Variants in BMI1 observed in about 807,000 individuals in gnomAD.
BMI1 encodes the protein BMI1 proto-oncogene, polycomb ring finger, also known as polycomb complex protein BMI-1.
Under a neutral mutation model 39.1 loss-of-function variants are expected in BMI1, and 9 were observed. That is an observed-to-expected ratio of 0.23 (90% CI 0.14 to 0.40). The LOEUF is 0.40. Ranked by LOEUF, BMI1 falls within the 10% of genes least tolerant of loss-of-function variation. The pLI, the probability that BMI1 is intolerant of heterozygous loss-of-function variation, is 1.00. For synonymous variants in BMI1, 131 were observed against 127.9 expected (o/e 1.02, Z -0.16); for missense variants, 252 against 390.8 (o/e 0.64, Z 2.99).
chr10:22,329,569 T>C lies in BMI1; in HGVS notation c.*27T>C. The C allele has an allele frequency of 3.7e-6, 6 of 1,603,078 alleles. No individual in the cohort carries two copies. The East Asian group carries it at 1.3e-4, about 36-fold the overall frequency. On this transcript the variant is annotated 3_prime_UTR_variant, in exon 10 of 10. Coordinates refer to ENST00000376663, the MANE Select transcript of BMI1 (RefSeq NM_005180.9). ...ACCTGAGACTGTTAAGGAAAAAAAT[T>C]TTAAACCCCTGATTTATATAGATAT... is the stretch of plus-strand genomic sequence containing the variant.
In BMI1 at chr10:22,321,231, T is replaced by C. The variant is rs1291479642; in HGVS notation, c.-485T>C. The C allele has an allele frequency of 3.6e-5, 5 of 140,232 alleles. No homozygotes were observed. The highest frequency in any genetic ancestry group is 5.2e-5 in the African/African-American group (2 of 38,586). 8.7% of individuals were successfully genotyped at this position (140,232 alleles called of 1,614,324 possible). On this transcript the variant is annotated 5_prime_UTR_variant, in exon 1 of 10. Coordinates refer to ENST00000376663, the MANE Select transcript of BMI1 (RefSeq NM_005180.9). The stretch of plus-strand genomic sequence containing the variant: ...CCCCACAGCAACTATGAAATAATCG[T>C]AGTATGAGAGGCAGAGATCGGGGCG...
chr10:22,329,785 T>C lies in BMI1; in HGVS notation c.*243T>C, dbSNP rs942932215. ...GAAAGCAGGCAAGACTTTTTCTCTGTGTTAGGAAAGATGGGAAATGGTTTC... is the reference window on the plus strand; with the variant it reads ...GAAAGCAGGCAAGACTTTTTCTCTGCGTTAGGAAAGATGGGAAATGGTTTC... On this transcript the variant is annotated 3_prime_UTR_variant, in exon 10 of 10. Coordinates refer to ENST00000376663, the MANE Select transcript of BMI1 (RefSeq NM_005180.9). The C allele has an allele frequency of 1.4e-5, 7 of 496,584 alleles. No individual in the cohort carries two copies. The highest frequency in any genetic ancestry group is 1.1e-5 in the Non-Finnish European group (3 of 285,504). The allele number at this position is 496,584 out of a possible 1,614,324, so 30.8% of individuals were successfully genotyped here.
At position 22,328,665 on chromosome 10, in the gene BMI1, C is replaced by T. The variant is rs752681312; in HGVS notation, c.537C>T (p.Leu179=). The T allele has an allele frequency of 6.2e-7, 1 of 1,606,054 alleles. No homozygotes were observed. Among genetic ancestry groups the T allele is most frequent in the Admixed American group, 1.7e-5 (1 of 58,726 alleles). ...CTGTGATGCACTTAAGAAAGTTTCT[C>T]AGAAGTAAAATGGACATACCTAATA... ...AMTVMHLRKF[L]RSKMDIPNTF... is the part of the protein sequence containing the mutation. The change falls in exon 8 of 10, where the codon CTC becomes CTT. Residue 179 remains leucine (L), a synonymous_variant. Coordinates refer to ENST00000376663, the MANE Select transcript of BMI1 (RefSeq NM_005180.9).
chr10:22,328,276 A>G, intron 7 of BMI1, 97 bp downstream of exon 7: 6 of 1,354,780 alleles, frequency 4.4e-6, no homozygotes, highest in Non-Finnish European at 5.9e-6. Context: ...AGGCTGTTAA[A>G]TAGAAGAAAA....
chr10:22,324,625 G>T (rs1429606608), intron 1 of BMI1, among the ~76,000 whole-genome samples: 2 of 152,168 alleles, frequency 1.3e-5, no homozygotes, highest in Non-Finnish European at 2.9e-5. Flanking sequence ...ATTGAGCTGT[G>T]TTGATTGGTG....
At position 22,329,592 on chromosome 10, in the gene BMI1, T is replaced by TA; in HGVS notation, c.*51dup. ...ATTTTAAACCCCTGATTTATATAGA[T>TA]ATCTTCATGCCATTACAGCTTTCTA... On this transcript the variant is annotated 3_prime_UTR_variant, in exon 10 of 10. Coordinates refer to ENST00000376663, the MANE Select transcript of BMI1 (RefSeq NM_005180.9). The TA allele has an allele frequency of 4.5e-6, 7 of 1,571,016 alleles. No individual in the cohort carries two copies. The highest frequency in any genetic ancestry group is 6.1e-6 in the Non-Finnish European group (7 of 1,156,506).
chr10:22,324,401 C>T (rs1424817932), intron 1 of BMI1, among the ~76,000 whole-genome samples: 3 of 152,166 alleles, frequency 2.0e-5, no homozygotes, highest in Non-Finnish European at 4.4e-5. Context: ...TCTTTAGGGT[C>T]ATTGCTCTAC....
chr10:22,325,817 C>T (rs1057157592), intron 1 of BMI1: 1 of 152,018 alleles, frequency 6.6e-6, no homozygotes, highest in African/African-American at 2.4e-5. Context: ...CCCCTCGCAT[C>T]CCGGCCCCCG....
rs1554775146 is a variant in BMI1 at position 22,329,950 on chromosome 10, CA to C, written c.*410del. 1 of 166,672 alleles carries C rather than the reference CA, an allele frequency of 6.0e-6. No individual in the cohort carries two copies. Among genetic ancestry groups the C allele is most frequent in the Non-Finnish European group, 1.3e-5 (1 of 76,190 alleles). 10.3% of individuals were successfully genotyped at this position (166,672 alleles called of 1,614,324 possible). On this transcript the variant is annotated 3_prime_UTR_variant, in exon 10 of 10. Coordinates refer to ENST00000376663, the MANE Select transcript of BMI1 (RefSeq NM_005180.9). The stretch of plus-strand genomic sequence containing the variant: ...CGCTGTTTTGTGAACCTGTAGAAAA[CA>C]AGTGCTTTTTATCTTGAAATTCAAC...
intron 1 of BMI1, among the ~76,000 whole-genome samples, chr10:22,322,909 AC>A (rs915135753): frequency 6.6e-6 from 1 of 152,234 alleles, no homozygotes; most frequent in African/African-American, 2.4e-5. Flanking sequence ...AAGTAGAGAG[AC>A]TTTGATCATT....
chr10:22,324,459 A>G (rs535334634), intron 1 of BMI1, among the ~76,000 whole-genome samples: 3 of 152,352 alleles, frequency 2.0e-5, no homozygotes, highest in African/African-American at 2.4e-5. Context: ...TATGTTGACA[A>G]TATTCTCCAA....
chr10:22,326,308 T>C, intron 1 of BMI1, 123 bp from the exon 2 acceptor site: 1 of 1,350,936 alleles, frequency 7.4e-7, no homozygotes, highest in Non-Finnish European at 9.9e-7. Context: ...GTAGAAACGT[T>C]AGGACAGCCC....
rs776327679 is a variant in BMI1, at chr10:22,329,591, A to G, written c.*49A>G. On this transcript the variant is annotated 3_prime_UTR_variant, in exon 10 of 10. Coordinates refer to ENST00000376663, the MANE Select transcript of BMI1 (RefSeq NM_005180.9). ...AATTTTAAACCCCTGATTTATATAG[A>G]TATCTTCATGCCATTACAGCTTTCT... 4 of 1,573,168 alleles carry G rather than the reference A, an allele frequency of 2.5e-6. No homozygotes were observed. Among genetic ancestry groups the G allele is most frequent in the Non-Finnish European group, 3.5e-6 (4 of 1,157,848 alleles).
chr10:22,322,691 C>CAA (rs1488366925), intron 1 of BMI1, among the ~76,000 whole-genome samples: 24 of 152,122 alleles, frequency 1.6e-4, no homozygotes, highest in Non-Finnish European at 4.4e-5. Flanking sequence ...CTCTCGACTT[C>CAA]TACTAAAGGA....
Position 22,329,760 on chromosome 10 carries a change from G to T in BMI1, c.*218G>T. On this transcript the variant is annotated 3_prime_UTR_variant, in exon 10 of 10. Transcript: ENST00000376663. ...GTTGTTATAAAGAATTGGTTTCTTG[G>T]AAAGCAGGCAAGACTTTTTCTCTGT... The T allele has an allele frequency of 1.7e-6, 1 of 583,932 alleles. No individual in the cohort carries two copies. The highest frequency in any genetic ancestry group is 2.9e-6 in the Non-Finnish European group (1 of 349,918). The allele number at this position is 583,932 out of a possible 1,614,324, so 36.2% of individuals were successfully genotyped here.
rs1341090460 is a variant in BMI1, at chr10:22,330,968, G to A, written c.*1426G>A. ...ATGAATATTGTTTCATGTTTGTATG[G>A]GAAAATTGTAGCTAAACATTTCATT... is the stretch of plus-strand genomic sequence containing the variant. On this transcript the variant is annotated 3_prime_UTR_variant, in exon 10 of 10. Coordinates refer to ENST00000376663, the MANE Select transcript of BMI1 (RefSeq NM_005180.9). 6.6e-6 allele frequency: 1 copy of A among 152,460 alleles called. No homozygotes were observed. Among genetic ancestry groups the A allele is most frequent in the Admixed American group, 6.5e-5 (1 of 15,276 alleles). 9.4% of individuals were successfully genotyped at this position (152,460 alleles called of 1,614,324 possible). A position where few individuals can be genotyped will look rare whatever the true frequency, so the allele number is the denominator to read the frequency against.
At position 22,321,651 on chromosome 10, in the gene BMI1, T is replaced by C. The variant is rs1241207752; in HGVS notation, c.-65T>C. On this transcript the variant is annotated 5_prime_UTR_variant, in exon 1 of 10. Coordinates refer to ENST00000376663, the MANE Select transcript of BMI1 (RefSeq NM_005180.9). Reference sequence around the variant, plus strand: ...GCTGAACGACTTTTAACTTTCATTGTCTTTTCCGCCCGCTTCGATCGCCTC... The same window carrying C: ...GCTGAACGACTTTTAACTTTCATTGCCTTTTCCGCCCGCTTCGATCGCCTC... 1 of 152,212 alleles carries C rather than the reference T, an allele frequency of 6.6e-6. No homozygotes were observed. Among genetic ancestry groups the C allele is most frequent in the East Asian group, 1.9e-4 (1 of 5,132 alleles). 9.4% of individuals were successfully genotyped at this position (152,212 alleles called of 1,614,324 possible). A position where few individuals can be genotyped will look rare whatever the true frequency, so the allele number is the denominator to read the frequency against.
chr10:22,328,208 A>G (rs1271924794), intron 7 of BMI1, 29 bp downstream of exon 7: 1 of 1,579,048 alleles, frequency 6.3e-7, no homozygotes, highest in South Asian at 1.2e-5. Flanking sequence ...AAACATATAG[A>G]AGAAACATTG....
downstream of BMI1, among the ~76,000 whole-genome samples, chr10:22,331,676 A>T (rs1836285656): frequency 6.6e-6 from 1 of 152,206 alleles, no homozygotes; most frequent in African/African-American, 2.4e-5. Flanking sequence ...AAACCAAGTT[A>T]TCAACATGGA....
Sources: allele counts gnomAD v4.1 joint callset (sites outside exome capture counted in the v4.1 genomes callset), GRCh38; gene constraint gnomAD v4.1.1; transcripts MANE v1.5; gene names NCBI Gene and HGNC (gene_info 2026-07-23, HGNC 2026-07-21).